ADGRL2: variants seen among roughly 807,000 people sequenced by gnomAD.
ADGRL2 encodes calcium-independent alpha-latrotoxin receptor 2.
A neutral mutation model predicts 157.4 loss-of-function variants in ADGRL2; 44 were observed. The observed-to-expected ratio is 0.28, with a 90% confidence interval of 0.22 to 0.36. ADGRL2 has a LOEUF of 0.36. Among genes scored for constraint, ADGRL2 ranks in the 10% least tolerant of loss-of-function variants. The pLI is 1.00. For missense variants in ADGRL2, 1,510 were observed against 1,768.9 expected (o/e 0.85, Z 2.63); for synonymous variants, 585 against 624.7 (o/e 0.94, Z 0.95).
In ADGRL2 at chr1:81,739,552, T is replaced by A. The variant is rs1004552921; in HGVS notation, c.-142-22259T>A. On this transcript the variant is annotated intron_variant, in intron 1 of 20. Coordinates refer to the ADGRL2 transcript ENST00000359929. ...TATGTTAAGACATTATATAAGCTAC[T>A]CTATTTTCTACCCCAGCCTTATCCT... Among the ~76,000 whole-genome samples the A allele has an allele frequency of 4.6e-5, 7 of 152,212 alleles. 1 individual carries two copies. Among genetic ancestry groups the A allele is most frequent in the Admixed American group, 4.6e-4 (7 of 15,278 alleles).
chr1:81,444,947 T>G, intron 1 of ADGRL2: 1 of 152,250 alleles, frequency 6.6e-6, no homozygotes, highest in East Asian at 1.9e-4. Context: ...ATGCACATGC[T>G]AATGCATTTT....
chr1:81,774,335 T>G (rs1027227485), intron 2 of ADGRL2, among the ~76,000 whole-genome samples: 2 of 152,228 alleles, frequency 1.3e-5, no homozygotes. Context: ...CTCTTCATTC[T>G]AATAAAACCA....
chr1:81,813,670 A>G, intron 1 of ADGRL2, among the ~76,000 whole-genome samples: 1 of 151,754 alleles, frequency 6.6e-6, no homozygotes, highest in Non-Finnish European at 1.5e-5. Flanking sequence ...TTTCCATACA[A>G]TTATTGGTAG....
intron 1 of ADGRL2, among the ~76,000 whole-genome samples, chr1:81,367,563 T>A (rs538405784): frequency 6.6e-6 from 1 of 152,322 alleles, no homozygotes; most frequent in Admixed American, 6.5e-5. Flanking sequence ...TTTCTTTCTT[T>A]TTTTTCTTTT....
At chr1:81,340,698 C>T (rs2100759980) in intron 1 of ADGRL2, among the ~76,000 whole-genome samples, 1 of 151,962 alleles carries the variant, frequency 6.6e-6, no homozygotes, top group African/African-American at 2.4e-5. Context: ...TGTGGCACAC[C>T]AGATAAGAAA....
chr1:81,623,954 G>A (rs1302807340), intron 3 of ADGRL2, among the ~76,000 whole-genome samples: 1 of 152,004 alleles, frequency 6.6e-6, no homozygotes, highest in African/African-American at 2.4e-5. Flanking sequence ...CTAAGGTGGG[G>A]ACTGATATCT....
upstream of ADGRL2, chr1:81,800,544 C>T (rs1425584203): frequency 1.3e-5 from 2 of 152,042 alleles, no homozygotes; most frequent in Non-Finnish European, 2.9e-5. Context: ...GGCGCCTCTC[C>T]GAAGTCCAGG....
At chr1:81,505,002 TG>T (rs1479419978) in intron 2 of ADGRL2, 1 of 377,186 alleles carries the variant, frequency 2.7e-6, no homozygotes, top group Non-Finnish European at 5.0e-6. Flanking sequence ...ACACCACCAC[TG>T]TGACATGGGG....
chr1:81,375,304 A>C (rs139053503), intron 1 of ADGRL2, among the ~76,000 whole-genome samples: 161 of 152,318 alleles, frequency 1.1e-3, no homozygotes, highest in Non-Finnish European at 1.8e-3. Context: ...TTTGCTAGAA[A>C]ATTTTGCCAT....
chr1:81,870,327 G>A (rs181963768), intron 2 of ADGRL2, among the ~76,000 whole-genome samples: 26 of 151,722 alleles, frequency 1.7e-4, no homozygotes, highest in Admixed American at 4.6e-4. Context: ...ATCCTCCTCC[G>A]TTCATACATT....
At chr1:81,787,806 T>C (rs1040830317) in intron 2 of ADGRL2, among the ~76,000 whole-genome samples, 1 of 152,204 alleles carries the variant, frequency 6.6e-6, no homozygotes, top group African/African-American at 2.4e-5. Flanking sequence ...AATTTCAATA[T>C]GACCTATGAA....
chr1:81,874,635 T>TTGTCTTGTCCTGTCC (rs1263335651), intron 2 of ADGRL2, among the ~76,000 whole-genome samples: 5 of 112,770 alleles, frequency 4.4e-5, no homozygotes, highest in African/African-American at 1.5e-4. Context: ...TTGTCTTGTC[T>TTGTCTTGTCCTGTCC]TGTCCTGTCC....
At chr1:81,805,830 A>G (rs191452474) in intron 1 of ADGRL2, among the ~76,000 whole-genome samples, 50 of 152,210 alleles carry the variant, frequency 3.3e-4, no homozygotes, top group African/African-American at 1.2e-3. Flanking sequence ...AAAGAAAACA[A>G]CATTATCCTT....
intron 1 of ADGRL2, among the ~76,000 whole-genome samples, chr1:81,367,582 G>A (rs944936162): frequency 2.6e-5 from 4 of 151,874 alleles, no homozygotes; most frequent in Non-Finnish European, 4.4e-5. Context: ...TTTTTGAGAC[G>A]GAGTTTCGCT....
At chr1:81,537,158 T>C (rs2079759806) in intron 2 of ADGRL2, among the ~76,000 whole-genome samples, 1 of 152,250 alleles carries the variant, frequency 6.6e-6, no homozygotes, top group South Asian at 2.1e-4. Flanking sequence ...AAAGTTGGCA[T>C]GAATATGTAT....
intron 2 of ADGRL2, among the ~76,000 whole-genome samples, chr1:81,521,745 G>C (rs1488473373): frequency 6.6e-6 from 1 of 152,164 alleles, no homozygotes; most frequent in Non-Finnish European, 1.5e-5. Context: ...TTAGGTGATT[G>C]AGGAAGGTGT....
intron 1 of ADGRL2, among the ~76,000 whole-genome samples, chr1:81,325,002 C>G (rs1162563180): frequency 6.6e-6 from 1 of 152,116 alleles, no homozygotes; most frequent in African/African-American, 2.4e-5. Context: ...CAGTCATGAG[C>G]CACCAGGCCC....
intron 2 of ADGRL2, among the ~76,000 whole-genome samples, chr1:81,777,080 G>C (rs1360059555): frequency 2.6e-5 from 4 of 152,126 alleles, no homozygotes; most frequent in African/African-American, 4.8e-5. Context: ...ACATGAAATA[G>C]TTTTAAGTCC....
At chr1:81,538,868 C>G (rs1020268048) in intron 2 of ADGRL2, among the ~76,000 whole-genome samples, 1 of 151,874 alleles carries the variant, frequency 6.6e-6, no homozygotes, top group African/African-American at 2.4e-5. Flanking sequence ...ATTAGCCAGG[C>G]ATGGTGGTGT....
Sources: gnomAD v4.1 joint callset for allele counts (sites outside exome capture counted in the v4.1 genomes callset) on GRCh38, gnomAD v4.1.1 for gene constraint, MANE v1.5 for transcripts, NCBI Gene and HGNC (gene_info 2026-07-23, HGNC 2026-07-21) for gene names.